Variants in SCAF4 observed in about 807,000 individuals in gnomAD.
SCAF4 encodes the protein SR-related CTD associated factor 4.
SCAF4 carries 25 observed loss-of-function variants against 129.8 expected under a neutral mutation model. The observed-to-expected ratio is 0.19, with a 90% CI of 0.14 to 0.27. SCAF4 has a LOEUF of 0.27. SCAF4 is among the 10% of genes least tolerant of loss of function. The pLI is 1.00. For synonymous variants in SCAF4, 551 were observed against 497.7 expected (o/e 1.11, Z -1.43); for missense variants, 1,246 against 1,457.1 (o/e 0.86, Z 2.36).
At chr21:31,677,932 C>T (rs912011069) in intron 19 of SCAF4, among the ~76,000 whole-genome samples, 3 of 152,170 alleles carry the variant, frequency 2.0e-5, no homozygotes, top group South Asian at 2.1e-4. Context: ...GATTAATATA[C>T]ACAAACTGCT....
intron 15 of SCAF4, among the ~76,000 whole-genome samples, chr21:31,688,975 G>A (rs923867545): frequency 1.3e-5 from 2 of 152,192 alleles, no homozygotes; most frequent in African/African-American, 4.8e-5. Flanking sequence ...CTAGTCAAGT[G>A]AAAACAAAAC....
intron 15 of SCAF4, among the ~76,000 whole-genome samples, chr21:31,689,667 C>A (rs1052176751): frequency 6.6e-6 from 1 of 150,878 alleles, no homozygotes; most frequent in Non-Finnish European, 1.5e-5. Flanking sequence ...TGGTGGCTCA[C>A]GCCTGTAATC....
At chr21:31,692,583 C>A (rs1192720693) in intron 12 of SCAF4, 134 bp from the exon 13 acceptor site, 8 of 558,034 alleles carry the variant, frequency 1.4e-5, no homozygotes, top group Non-Finnish European at 6.2e-6. Flanking sequence ...GTAAATCTCA[C>A]ATACATTTTA....
At chr21:31,702,503 A>G in intron 4 of SCAF4, 124 bp from the exon 5 acceptor site, 1 of 868,288 alleles carries the variant, frequency 1.2e-6, no homozygotes, top group Non-Finnish European at 1.7e-6. Context: ...TGTTTCATAA[A>G]CAAGGAAAAA....
In SCAF4 at chr21:31,672,261, C is replaced by T. The variant is rs1273742454; in HGVS notation, c.2582G>A (p.Arg861His). The stretch of plus-strand genomic sequence containing the variant: ...GTGAGGTGGGGGCATTCCTGGAGGG[C>T]GCTGGAGTGGGATGAGACCGGGCCG... ...GARPGLIPLQ[R>H]PPGMPPPHLQ... Residue 861 changes from arginine to histidine, a missense_variant, in exon 20 of 20, where the codon CGC (arginine) becomes CAC (histidine). By Grantham distance (29) the Arg-to-His change is conservative. Transcript: ENST00000286835. 9 of 1,613,386 alleles carry T rather than the reference C, an allele frequency of 5.6e-6. No individual in the cohort carries two copies. The highest frequency in any genetic ancestry group is 2.2e-5 in the East Asian group (1 of 44,896).
At chr21:31,712,505 A>T (rs1032726505) in intron 1 of SCAF4, among the ~76,000 whole-genome samples, 1 of 146,954 alleles carries the variant, frequency 6.8e-6, no homozygotes, top group Non-Finnish European at 1.5e-5. Context: ...GGCGAGAGCC[A>T]CCATGTCTGG....
At chr21:31,675,797 A>G (rs1369635863) in intron 19 of SCAF4, among the ~76,000 whole-genome samples, 1 of 152,206 alleles carries the variant, frequency 6.6e-6, no homozygotes, top group Non-Finnish European at 1.5e-5. Flanking sequence ...TTACAATTAC[A>G]AAAGGGGGTG....
At chr21:31,702,445 A>C in intron 4 of SCAF4, 66 bp from the exon 5 acceptor site, 3 of 1,361,474 alleles carry the variant, frequency 2.2e-6, no homozygotes, top group Non-Finnish European at 3.0e-6. Context: ...ATACTCTTAC[A>C]AAAAAAAGAG....
chr21:31,691,841 A>G lies in SCAF4; in HGVS notation c.1704T>C (p.Tyr568=). ...CCTTTATGGATTTCTGGTTCACTTT[A>G]TAGTTTCCTCGGCTCAGTTTCTGCA... The part of the protein sequence containing the change: ...RALQKLSRGN[Y]KVNQKSIKIA... Residue 568 remains tyrosine (Y), a synonymous_variant, in exon 14 of 20, where the codon TAT becomes TAC. Transcript: ENST00000286835. 6.2e-7 allele frequency: 1 copy of G among 1,603,534 alleles called. No homozygotes were observed. Among genetic ancestry groups the G allele is most frequent in the South Asian group, 1.1e-5 (1 of 89,964 alleles).
At chr21:31,697,166 CAT>C in intron 7 of SCAF4, among the ~76,000 whole-genome samples, 1 of 152,062 alleles carries the variant, frequency 6.6e-6, no homozygotes, top group Non-Finnish European at 1.5e-5. Context: ...CACCATAATG[CAT>C]ATAGAAAAGT....
At chr21:31,706,849 GA>G in intron 1 of SCAF4, 1 of 248,284 alleles carries the variant, frequency 4.0e-6, no homozygotes, top group Non-Finnish European at 8.1e-6. Context: ...TGAAGCCAGA[GA>G]AAGAAGCCAA....
intron 1 of SCAF4, among the ~76,000 whole-genome samples, chr21:31,725,688 T>C (rs1327153194): frequency 6.6e-6 from 1 of 152,190 alleles, no homozygotes; most frequent in Non-Finnish European, 1.5e-5. Context: ...AATACTAAGA[T>C]AGTTCTTGCC....
chr21:31,696,632 G>A lies in SCAF4; in HGVS notation c.896C>T (p.Thr299Ile), dbSNP rs1436480964. 5 of 1,613,508 alleles carry A rather than the reference G, an allele frequency of 3.1e-6. No individual in the cohort carries two copies. The highest frequency in any genetic ancestry group is 4.2e-6 in the Non-Finnish European group (5 of 1,179,560). ...TGCAGCAGCAGCAGGCACGGTGGCG[G>A]TGGGTGCAGGGGGTACTGCGGCAGC... is the stretch of plus-strand genomic sequence containing the variant. ...APAAAVPPAPTATVPAAAAPA... is the reference protein window; with the variant it reads ...APAAAVPPAPIATVPAAAAPA... Residue 299 changes from threonine (T) to isoleucine (I), a missense_variant, in exon 8 of 20, where the codon ACC (threonine) becomes ATC (isoleucine). By Grantham distance (89) the Thr-to-Ile change is moderately conservative (BLOSUM62 -1). This residue lies in a region of SCAF4 where 236 missense variants were observed against 210.0 expected (regional missense o/e 1.12). Transcript: ENST00000286835.
intron 19 of SCAF4, among the ~76,000 whole-genome samples, chr21:31,674,822 A>AT (rs34824103): frequency 0.034 from 5,152 of 152,324 alleles, 109 homozygotes; most frequent in Non-Finnish European, 0.051. Flanking sequence ...CATATTATGT[A>AT]TTAAATATCT....
intron 19 of SCAF4, among the ~76,000 whole-genome samples, chr21:31,678,493 GTT>G (rs2049917990): frequency 6.7e-6 from 1 of 149,548 alleles, no homozygotes; most frequent in South Asian, 2.1e-4. Flanking sequence ...TCTAGAGTCT[GTT>G]TCTCTAACAG....
intron 13 of SCAF4, 101 bp from the exon 14 acceptor site, chr21:31,692,031 T>C (rs2050272184): frequency 3.2e-6 from 2 of 632,348 alleles, no homozygotes; most frequent in Non-Finnish European, 2.7e-6. Flanking sequence ...CCTCACCCCA[T>C]GCTATATAAT....
intron 1 of SCAF4, chr21:31,712,768 G>A (rs1009433337): frequency 2.9e-5 from 9 of 310,288 alleles, no homozygotes; most frequent in Non-Finnish European, 3.7e-5. Context: ...GACCTCAGTT[G>A]ATCCACCCAC....
At chr21:31,707,961 A>C (rs1460872623) in intron 1 of SCAF4, among the ~76,000 whole-genome samples, 1 of 152,266 alleles carries the variant, frequency 6.6e-6, no homozygotes, top group African/African-American at 2.4e-5. Context: ...TAAGATATTA[A>C]CACAGGATTT....
chr21:31,718,350 T>C (rs927749746), intron 1 of SCAF4, among the ~76,000 whole-genome samples: 3 of 152,238 alleles, frequency 2.0e-5, no homozygotes, highest in Non-Finnish European at 4.4e-5. Flanking sequence ...ACTCAAACCT[T>C]TTGAAACCTA....
Sources: allele counts gnomAD v4.1 joint callset (sites outside exome capture counted in the v4.1 genomes callset), GRCh38; gene constraint gnomAD v4.1.1; regional missense constraint gnomAD v4.1.1; transcripts MANE v1.5; gene names NCBI Gene and HGNC (gene_info 2026-07-23, HGNC 2026-07-21).